The following ADAMTS7 variants were observed in gnomAD, a reference collection of about 807,000 sequenced individuals.
The protein encoded by ADAMTS7 is ADAM metallopeptidase with thrombospondin type 1 motif 7.
Under a neutral mutation model 172.6 loss-of-function variants are expected in ADAMTS7, and 89 were observed. The ratio of observed to expected loss-of-function variants is 0.52; its 90% CI spans 0.43 to 0.61. The LOEUF is 0.61. Ranked by LOEUF, ADAMTS7 falls within the 20% of genes least tolerant of loss-of-function variation. The pLI, the probability that ADAMTS7 is intolerant of heterozygous loss-of-function variation, is 0.00. For missense variants in ADAMTS7, 1,973 were observed against 2,355.6 expected, an observed-to-expected ratio of 0.84 and a Z score of 3.36; for synonymous variants, 885 against 978.4, an observed-to-expected ratio of 0.90 and a Z score of 1.78.
At chr15:78,778,262 T>TCA in intron 8 of ADAMTS7, among the ~76,000 whole-genome samples, 1 of 152,244 alleles carries the variant, frequency 6.6e-6, no homozygotes, top group African/African-American at 2.4e-5. Context: ...CTCCTGCTGC[T>TCA]GTGGTGTGGT....
intron 2 of ADAMTS7, among the ~76,000 whole-genome samples, chr15:78,798,727 G>A (rs1403090528): frequency 6.6e-6 from 1 of 152,140 alleles, no homozygotes; most frequent in African/African-American, 2.4e-5. Context: ...AGCATTCAGA[G>A]TCCAGGGAGG....
Position 78,771,863 on chromosome 15 carries a change from A to G in ADAMTS7, c.2132-34T>C. On this transcript the variant is annotated intron_variant, in intron 14 of 23. Transcript: ENST00000388820. The surrounding 1 kb of genome is among the most constrained non-coding windows in gnomAD (Gnocchi z 4.9). Reference sequence around the variant, plus strand: ...CAAGGGTTGTGCATAGGTTGTGCCCAGGGTGAGAGGGTTGCTTATCCCCAC... The same window carrying G: ...CAAGGGTTGTGCATAGGTTGTGCCCGGGGTGAGAGGGTTGCTTATCCCCAC... 6.3e-7 allele frequency: 1 copy of G among 1,591,324 alleles called. No homozygotes were observed. The highest frequency in any genetic ancestry group is 8.5e-7 in the Non-Finnish European group (1 of 1,171,722).
chr15:78,769,221 C>T (rs2055208341), intron 16 of ADAMTS7, among the ~76,000 whole-genome samples: 1 of 152,198 alleles, frequency 6.6e-6, no homozygotes, highest in South Asian at 2.1e-4. Flanking sequence ...TTTGCACAGC[C>T]ACGCTCCTCA....
Position 78,767,487 on chromosome 15 carries a change from G to A in ADAMTS7, c.2751C>T (p.Ser917=), listed in dbSNP as rs765235388. 1.3e-5 allele frequency: 21 copies of A among 1,610,602 alleles called. No individual in the cohort carries two copies. Among genetic ancestry groups the A allele is most frequent in the Non-Finnish European group, 1.4e-5 (17 of 1,179,442 alleles). The change falls in exon 18 of 24, where the codon AGC becomes AGT. Residue 917 remains serine (S), a synonymous_variant. Coordinates refer to ENST00000388820, the MANE Select transcript of ADAMTS7 (RefSeq NM_014272.5). The stretch of plus-strand genomic sequence containing the variant: ...GTTCACAGGCGGGTGGCTCCAGGGC[G>A]CTCTGCTCATCCAGCCCCACGCTGC... ...CIRSVGLDEQ[S]ALEPPACEHL...
chr15:78,791,013 G>A (rs2055573085), intron 5 of ADAMTS7, 127 bp downstream of exon 5: 2 of 1,276,040 alleles, frequency 1.6e-6, no homozygotes, highest in Non-Finnish European at 2.2e-6. Flanking sequence ...GGGGTGGCAG[G>A]GGACACGGTC....
rs777586556 is a variant in ADAMTS7 at position 78,774,143 on chromosome 15, G to A, written c.2010+24C>T. 50 of 1,589,188 alleles carry A rather than the reference G, an allele frequency of 3.1e-5. No homozygotes were observed. In the East Asian group the frequency reaches 3.4e-4, roughly 11 times the overall value. On this transcript the variant is annotated intron_variant, in intron 13 of 23. Coordinates refer to ENST00000388820, the MANE Select transcript of ADAMTS7 (RefSeq NM_014272.5). ...GGGCTGGGGGCAGGCAGTGCTGGGAGAGCCTCTTCCTAACCAGGCACACCT... is the reference window on the plus strand; with the variant it reads ...GGGCTGGGGGCAGGCAGTGCTGGGAAAGCCTCTTCCTAACCAGGCACACCT...
In ADAMTS7 at chr15:78,776,258, C is replaced by A. The variant is rs146048392; in HGVS notation, c.1636G>T (p.Ala546Ser). 2.5e-6 allele frequency: 4 copies of A among 1,611,648 alleles called. No individual in the cohort carries two copies. Among genetic ancestry groups the A allele is most frequent in the Middle Eastern group, 2.2e-4 (1 of 4,596 alleles). ...AVDGGWSGWS[A>S]WSICSRSCGM... ...CAGCTCCGTGAGCAGATGGACCAGG[C>A]GCTCCAGCCAGACCAGCCACCATCC... Residue 546 changes from alanine (A) to serine (S), a missense_variant, in exon 11 of 24, where the codon GCC (alanine) becomes TCC (serine). Ala to Ser is a moderately conservative substitution (Grantham distance 99). Around this residue, in one of 8 missense-constraint regions of ADAMTS7, gnomAD observed 526 missense variants for 662.9 expected, o/e 0.79. Transcript: ENST00000388820.
intron 3 of ADAMTS7, among the ~76,000 whole-genome samples, chr15:78,797,197 T>G (rs572151892): frequency 6.6e-6 from 1 of 152,240 alleles, no homozygotes; most frequent in East Asian, 1.9e-4. Context: ...GACCCCACCC[T>G]CTAAACCCCA....
At chr15:78,800,651 G>A in intron 1 of ADAMTS7, 104 bp from the exon 2 acceptor site, 1 of 1,037,466 alleles carries the variant, frequency 9.6e-7, no homozygotes, top group South Asian at 1.4e-5. Context: ...GCTGGAGTCA[G>A]AGTATCTGGA....
rs138103397 is a variant in ADAMTS7 at position 78,761,559 on chromosome 15, A to G, written c.4903+844T>C. 5.7e-3 allele frequency among the ~76,000 whole-genome samples: 874 copies of G among 152,304 alleles called. 7 individuals carry two copies. Among genetic ancestry groups the G allele is most frequent in the African/African-American group, 0.02 (852 of 41,578 alleles). On this transcript the variant is annotated intron_variant, in intron 23 of 23. Transcript: ENST00000388820. ...ATGCCCAGACCTCATTTATGCAAGGATGGGGCTTGGCAGCCCCTTTATTCA... is the reference window on the plus strand; with the variant it reads ...ATGCCCAGACCTCATTTATGCAAGGGTGGGGCTTGGCAGCCCCTTTATTCA...
At chr15:78,790,921 C>T (rs1302728880) in intron 5 of ADAMTS7, 127 bp from the exon 6 acceptor site, 3 of 1,447,586 alleles carry the variant, frequency 2.1e-6, no homozygotes, top group East Asian at 2.3e-5. Context: ...AGGCACCAGT[C>T]GAGCTTCCAG....
intron 1 of ADAMTS7, among the ~76,000 whole-genome samples, chr15:78,802,730 C>G (rs1388058311): frequency 6.6e-6 from 1 of 152,194 alleles, no homozygotes; most frequent in Non-Finnish European, 1.5e-5. Flanking sequence ...GGCACGGTGG[C>G]TCATGCCTGT....
chr15:78,811,370 G>A lies in ADAMTS7; in HGVS notation c.-150C>T. 1 of 985,460 alleles carries A rather than the reference G, an allele frequency of 1.0e-6. No homozygotes were observed. Among genetic ancestry groups the A allele is most frequent in the African/African-American group, 1.7e-5 (1 of 59,328 alleles). The allele number at this position is 985,460 out of a possible 1,614,324, so 61.0% of individuals were successfully genotyped here. On this transcript the variant is annotated 5_prime_UTR_variant, in exon 1 of 24. Coordinates refer to ENST00000388820, the MANE Select transcript of ADAMTS7 (RefSeq NM_014272.5). ...GCCCCGACTCCGTTCGGCTGCGCTC[G>A]GTCCGCGGGCAACAAAGGCTGCAGG...
intron 1 of ADAMTS7, among the ~76,000 whole-genome samples, chr15:78,802,429 A>G (rs1288055827): frequency 1.3e-5 from 2 of 152,212 alleles, no homozygotes; most frequent in African/African-American, 4.8e-5. Flanking sequence ...TGGATTGGGG[A>G]GACAGAGAAA....
chr15:78,790,704 G>A lies in ADAMTS7; in HGVS notation c.994C>T (p.Pro332Ser). The A allele has an allele frequency of 6.2e-7, 1 of 1,614,006 alleles. No homozygotes were observed. Among genetic ancestry groups the A allele is most frequent in the Non-Finnish European group, 8.5e-7 (1 of 1,180,020 alleles). ...AGGATGGCAGTGTCATGGTGCAGGG[G>A]ATGGGCATCCCCCTTCATGTTGATG... ...KSINMKGDAH[P>S]LHHDTAILLT... Residue 332 changes from proline to serine, a missense_variant, in exon 6 of 24, where the codon CCC becomes TCC. Transcript: ENST00000388820.
intron 16 of ADAMTS7, among the ~76,000 whole-genome samples, chr15:78,769,425 G>A (rs1327706052): frequency 2.0e-5 from 3 of 152,206 alleles, no homozygotes; most frequent in Non-Finnish European, 4.4e-5. Flanking sequence ...AGACAGCAAT[G>A]GGACCTGCTG....
rs191595065 is a variant in ADAMTS7, at chr15:78,802,842, C to A, written c.101-2295G>T. Among the ~76,000 whole-genome samples, 520 of 152,082 alleles carry A rather than the reference C, an allele frequency of 3.4e-3. 2 individuals carry two copies. The highest frequency in any genetic ancestry group is 0.012 in the African/African-American group (505 of 41,480). ...TGAAACCCCATCTCTACTAAACATG[C>A]AAAAATTAGCCAGGCTTGGTGGTGC... On this transcript the variant is annotated intron_variant, in intron 1 of 23. Coordinates refer to ENST00000388820, the MANE Select transcript of ADAMTS7 (RefSeq NM_014272.5).
chr15:78,793,867 G>A (rs2055611332), intron 4 of ADAMTS7, among the ~76,000 whole-genome samples: 1 of 152,210 alleles, frequency 6.6e-6, no homozygotes, highest in African/African-American at 2.4e-5. Context: ...GGGCTTTGGA[G>A]GTAGACAGAC....
chr15:78,777,629 G>A (rs1366451152), intron 8 of ADAMTS7, 41 bp from the exon 9 acceptor site: 4 of 1,575,642 alleles, frequency 2.5e-6, no homozygotes, highest in Non-Finnish European at 3.4e-6. Flanking sequence ...CGCAGCCTGT[G>A]AGACCCATCG....
Sources: gnomAD v4.1 joint callset for allele counts (sites outside exome capture counted in the v4.1 genomes callset) on GRCh38, gnomAD v4.1.1 for gene constraint, gnomAD v4.1.1 regional missense constraint, Gnocchi (gnomAD v3.1) non-coding constraint, MANE v1.5 for transcripts, NCBI Gene and HGNC (gene_info 2026-07-23, HGNC 2026-07-21) for gene names.